KRT86: variants seen among roughly 807,000 people sequenced by gnomAD.
KRT86 encodes keratin 86.
KRT86 carries 30 observed loss-of-function variants against 41.2 expected under a neutral mutation model. The observed-to-expected ratio is 0.73, with a 90% confidence interval of 0.54 to 0.99. The LOEUF (loss-of-function observed/expected upper bound fraction) is 0.99. Among genes scored for constraint, KRT86 ranks in the 50% least tolerant of loss-of-function variants. KRT86 has a pLI of 0.00. For synonymous variants in KRT86, 238 were observed against 238.1 expected, an observed-to-expected ratio of 1.00 and a Z score of 0.00; for missense variants, 561 against 571.4, an observed-to-expected ratio of 0.98 and a Z score of 0.19.
chr12:52,306,730 T>C (rs545427532), intron 9 of KRT86: 2 of 245,276 alleles, frequency 8.2e-6, no homozygotes, highest in Non-Finnish European at 1.6e-5. Context: ...TGCTTTTCTA[T>C]TATAGTGCCA....
Position 52,301,950 on chromosome 12 carries a change from T to C in KRT86, c.34T>C (p.Phe12Leu). 1 of 1,613,826 alleles carries C rather than the reference T, an allele frequency of 6.2e-7. No homozygotes were observed. Among genetic ancestry groups the C allele is most frequent in the East Asian group, 2.2e-5 (1 of 44,866 alleles). ...TCGSYCGGRA[F>L]SCISACGPRP... is the part of the protein sequence containing the mutation. ...TGGATCTTACTGTGGTGGCCGCGCC[T>C]TCAGCTGCATCTCGGCCTGCGGGCC... The change falls in exon 3 of 11, where the codon TTC becomes CTC. Residue 12 changes from phenylalanine (F) to leucine (L), a missense_variant. Around this residue, in one of 3 missense-constraint regions of KRT86, gnomAD observed 164 missense variants for 172.5 expected, o/e 0.95. Coordinates refer to ENST00000423955, the MANE Select transcript of KRT86 (RefSeq NM_001320198.2).
intron 2 of KRT86, 187 bp from the exon 3 acceptor site, chr12:52,301,726 G>C: frequency 9.3e-7 from 1 of 1,069,970 alleles, no homozygotes; most frequent in South Asian, 1.5e-5. Context: ...ACATTAAGTG[G>C]GGAGCGACAG....
At chr12:52,295,070 C>A (rs1051318635) in intron 2 of KRT86, among the ~76,000 whole-genome samples, 1 of 152,156 alleles carries the variant, frequency 6.6e-6, no homozygotes, top group Non-Finnish European at 1.5e-5. Context: ...CTATGAACAT[C>A]CTTTCTCATG....
Position 52,304,972 on chromosome 12 carries a change from C to T in KRT86, c.680C>T (p.Ala227Val). 6.2e-7 allele frequency: 1 copy of T among 1,614,140 alleles called. No homozygotes were observed. The highest frequency in any genetic ancestry group is 2.2e-5 in the East Asian group (1 of 44,870). The change falls in exon 6 of 11, where the codon GCC becomes GTC. Residue 227 changes from alanine (A) to valine (V), a missense_variant. Ala to Val is a moderately conservative substitution (Grantham distance 64, BLOSUM62 0). This residue lies in a region of KRT86 where 397 missense variants were observed against 375.9 expected (regional missense o/e 1.06). Coordinates refer to ENST00000423955, the MANE Select transcript of KRT86 (RefSeq NM_001320198.2). The stretch of plus-strand genomic sequence containing the variant: ...TACCTCCGCAAATCAGACCTGGAGG[C>T]CAATGTGGAGGCCCTGATCCAGGAG... ...CAYLRKSDLE[A>V]NVEALIQEID...
chr12:52,300,262 A>G (rs1046245566), intron 2 of KRT86, among the ~76,000 whole-genome samples: 1 of 152,356 alleles, frequency 6.6e-6, no homozygotes, highest in East Asian at 1.9e-4. Context: ...TTCCCATGAC[A>G]TAAGGTGCAA....
intron 2 of KRT86, among the ~76,000 whole-genome samples, chr12:52,280,947 C>T (rs977727823): frequency 6.6e-6 from 1 of 152,154 alleles, no homozygotes; most frequent in African/African-American, 2.4e-5. Flanking sequence ...CTGTTGCTCA[C>T]ATTTTCCCTT....
At chr12:52,283,220 C>G (rs1937817684) in intron 2 of KRT86, among the ~76,000 whole-genome samples, 1 of 143,052 alleles carries the variant, frequency 7.0e-6, no homozygotes, top group Non-Finnish European at 1.5e-5. Context: ...AAGGTGAAAC[C>G]CCGTCAGTAC....
intron 2 of KRT86, among the ~76,000 whole-genome samples, chr12:52,282,359 G>C (rs1230820006): frequency 6.6e-6 from 1 of 151,568 alleles, no homozygotes; most frequent in Admixed American, 6.6e-5. Context: ...CAGCCTCCCA[G>C]ATAGCTGGGA....
intron 2 of KRT86, chr12:52,278,854 G>A (rs1175662330): frequency 6.6e-6 from 1 of 152,198 alleles, no homozygotes; most frequent in Non-Finnish European, 1.5e-5. Flanking sequence ...TTTTGTCGGG[G>A]GCTATTTCTT....
chr12:52,274,842 C>A, intron 1 of KRT86, 120 bp downstream of exon 1: 1 of 450,648 alleles, frequency 2.2e-6, no homozygotes, highest in Non-Finnish European at 2.9e-6. Flanking sequence ...GCAGTGGGAA[C>A]ACAGCAGAAA....
chr12:52,301,413 C>T (rs985931313), intron 2 of KRT86, among the ~76,000 whole-genome samples: 5 of 151,914 alleles, frequency 3.3e-5, no homozygotes, highest in African/African-American at 1.2e-4. Context: ...AACCACCAAG[C>T]GCCCCCCAAG....
At chr12:52,299,093 A>G (rs1362927352) in intron 2 of KRT86, among the ~76,000 whole-genome samples, 1 of 152,094 alleles carries the variant, frequency 6.6e-6, no homozygotes, top group Non-Finnish European at 1.5e-5. Flanking sequence ...ACACGTCTTT[A>G]TCTTCCCCTC....
At chr12:52,304,695 A>C (rs1179368551) in intron 5 of KRT86, among the ~76,000 whole-genome samples, 10 of 151,758 alleles carry the variant, frequency 6.6e-5, no homozygotes, top group Non-Finnish European at 1.3e-4. Flanking sequence ...AAGGAGAGAT[A>C]AGAGGGTAAG....
intron 1 of KRT86, among the ~76,000 whole-genome samples, chr12:52,275,377 C>G (rs972784400): frequency 6.6e-6 from 1 of 152,198 alleles, no homozygotes; most frequent in Admixed American, 6.5e-5. Context: ...AAGGACATTT[C>G]TTCCTAATCC....
intron 2 of KRT86, 109 bp from the exon 3 acceptor site, chr12:52,301,804 T>G (rs996277579): frequency 6.2e-7 from 1 of 1,610,272 alleles, no homozygotes; most frequent in African/African-American, 1.3e-5. Context: ...GTCTCCCCAC[T>G]TATATAAAAG....
chr12:52,307,739 A>G (rs73111108), intron 9 of KRT86, among the ~76,000 whole-genome samples: 3,202 of 152,326 alleles, frequency 0.021, 50 homozygotes, highest in Middle Eastern at 0.031. Flanking sequence ...TAGGTGGTGC[A>G]GGAAGGAATA....
At chr12:52,291,641 G>T (rs1175364672) in intron 2 of KRT86, 3 of 914,814 alleles carry the variant, frequency 3.3e-6, no homozygotes, top group African/African-American at 1.7e-5. Context: ...GTGGTTAGCC[G>T]GGTCTAACGC....
intron 2 of KRT86, among the ~76,000 whole-genome samples, chr12:52,278,646 T>C (rs186506764): frequency 3.9e-5 from 6 of 152,194 alleles, no homozygotes; most frequent in African/African-American, 1.4e-4. Flanking sequence ...CTTCCTTCTT[T>C]CCGCTGGCTT....
At chr12:52,288,750 C>G (rs1186475975) in intron 2 of KRT86, among the ~76,000 whole-genome samples, 1 of 152,122 alleles carries the variant, frequency 6.6e-6, no homozygotes, top group Non-Finnish European at 1.5e-5. Context: ...CCCCCCAGCT[C>G]TCACACCCTG....
Sources: allele counts gnomAD v4.1 joint callset (sites outside exome capture counted in the v4.1 genomes callset), GRCh38; gene constraint gnomAD v4.1.1; regional missense constraint gnomAD v4.1.1; transcripts MANE v1.5; gene names NCBI Gene and HGNC (gene_info 2026-07-23, HGNC 2026-07-21).